The following NBAS variants were observed in gnomAD, a reference collection of about 807,000 sequenced individuals.
NBAS encodes NAG/BC035112 fusion.
Under a neutral mutation model 302.5 loss-of-function variants are expected in NBAS, and 219 were observed. The ratio of observed to expected loss-of-function variants is 0.72; its 90% CI spans 0.65 to 0.81. The LOEUF is 0.81. Ranked by LOEUF, NBAS falls within the 30% of genes least tolerant of loss-of-function variation. The probability of loss-of-function intolerance (pLI) is 0.00; values close to 1 mark genes in which losing one functional copy is unlikely to be tolerated. For synonymous variants in NBAS, 1,118 were observed against 1,021.6 expected, an observed-to-expected ratio of 1.09 and a Z score of -1.80; for missense variants, 2,932 against 2,841.6, an observed-to-expected ratio of 1.03 and a Z score of -0.72.
intron 35 of NBAS, among the ~76,000 whole-genome samples, chr2:15,342,602 G>A (rs543260246): frequency 3.3e-5 from 5 of 152,122 alleles, no homozygotes; most frequent in Non-Finnish European, 5.9e-5. Context: ...TAAGCAGTGG[G>A]ATTCATGGGG....
intron 25 of NBAS, among the ~76,000 whole-genome samples, chr2:15,406,724 C>T (rs185747677): frequency 4.5e-4 from 69 of 152,076 alleles, no homozygotes; most frequent in Admixed American, 1.1e-3. Flanking sequence ...AAAACCCTAT[C>T]GAAGAATGGA....
At chr2:14,975,499 G>T in the NBAS span, among the ~76,000 whole-genome samples, 1 of 152,180 alleles carries the variant, frequency 6.6e-6, no homozygotes, top group Non-Finnish European at 1.5e-5. Context: ...AGCTCATCAA[G>T]AATTAAAATC....
the NBAS span, among the ~76,000 whole-genome samples, chr2:15,008,497 C>T: frequency 1.3e-5 from 2 of 152,210 alleles, no homozygotes; most frequent in East Asian, 3.9e-4. Context: ...AGGAACTTGA[C>T]CAGAACCTAC....
chr2:15,531,952 T>A (rs1663237262), intron 9 of NBAS, among the ~76,000 whole-genome samples: 1 of 152,170 alleles, frequency 6.6e-6, no homozygotes, highest in Admixed American at 6.5e-5. Flanking sequence ...CCTCATGTAC[T>A]TTATATTCAT....
At chr2:15,120,140 A>G in the NBAS span, among the ~76,000 whole-genome samples, 1 of 152,184 alleles carries the variant, frequency 6.6e-6, no homozygotes, top group Non-Finnish European at 1.5e-5. Flanking sequence ...CAGCAGGCAG[A>G]TCTCCAATGT....
the NBAS span, among the ~76,000 whole-genome samples, chr2:14,900,090 G>A: frequency 2.0e-5 from 3 of 150,668 alleles, no homozygotes; most frequent in Non-Finnish European, 4.4e-5. Context: ...TGAGAGTTCC[G>A]AAGTCGATTT....
chr2:15,126,302 G>C, the NBAS span, among the ~76,000 whole-genome samples: 1 of 152,248 alleles, frequency 6.6e-6, no homozygotes, highest in African/African-American at 2.4e-5. Flanking sequence ...CATGCTTGTT[G>C]TACAGCTTGC....
the NBAS span, among the ~76,000 whole-genome samples, chr2:15,073,484 A>T: frequency 3.5e-5 from 5 of 141,220 alleles, 1 homozygote; most frequent in African/African-American, 5.8e-5. Flanking sequence ...CTCAAAAAAA[A>T]AAAAAAATAA....
intron 11 of NBAS, among the ~76,000 whole-genome samples, chr2:15,502,921 C>A (rs1661648633): frequency 6.6e-6 from 1 of 152,184 alleles, no homozygotes; most frequent in African/African-American, 2.4e-5. Flanking sequence ...TAGCTTAAAA[C>A]ACAAACATGC....
chr2:15,174,666 C>A (rs1237457368), intron 51 of NBAS, among the ~76,000 whole-genome samples: 1 of 152,150 alleles, frequency 6.6e-6, no homozygotes, highest in Non-Finnish European at 1.5e-5. Context: ...GTAGAAATAA[C>A]CCTTTTCCAA....
At chr2:14,970,237 A>G in the NBAS span, among the ~76,000 whole-genome samples, 37 of 152,342 alleles carry the variant, frequency 2.4e-4, no homozygotes, top group Admixed American at 1.6e-3. Flanking sequence ...TTTAGGAAAT[A>G]CTGCATATAT....
intron 28 of NBAS, among the ~76,000 whole-genome samples, chr2:15,384,092 C>T (rs1675172423): frequency 6.6e-6 from 1 of 152,210 alleles, no homozygotes. Flanking sequence ...TACAGTTCCT[C>T]CAGGCCAGAG....
chr2:15,353,488 C>T (rs979246419), intron 34 of NBAS, 65 bp downstream of exon 34: 4 of 1,586,954 alleles, frequency 2.5e-6, no homozygotes, highest in Non-Finnish European at 3.5e-6. Context: ...CCACATACCT[C>T]AGATACACAC....
chr2:14,798,893 G>A, the NBAS span, among the ~76,000 whole-genome samples: 1 of 152,012 alleles, frequency 6.6e-6, no homozygotes, highest in Non-Finnish European at 1.5e-5. Context: ...TTTAAGATCT[G>A]TAGAATCTAC....
the NBAS span, among the ~76,000 whole-genome samples, chr2:14,923,707 G>A: frequency 2.0e-5 from 3 of 152,152 alleles, no homozygotes; most frequent in Non-Finnish European, 4.4e-5. Flanking sequence ...CTTTCAAGTG[G>A]CCTGGCCCCA....
At chr2:14,887,467 G>C in the NBAS span, among the ~76,000 whole-genome samples, 35 of 151,100 alleles carry the variant, frequency 2.3e-4, 1 homozygote, top group East Asian at 4.8e-3. Flanking sequence ...GTGAGGAGAA[G>C]CCTATGAGAA....
intron 44 of NBAS, among the ~76,000 whole-genome samples, chr2:15,266,480 G>A (rs191008485): frequency 1.6e-3 from 238 of 152,066 alleles, no homozygotes; most frequent in African/African-American, 4.8e-3. Flanking sequence ...CCTGCTATTG[G>A]GAGAAACCGA....
At position 15,355,180 on chromosome 2, in the gene NBAS, T is replaced by A. The variant is rs578186357; in HGVS notation, c.3931+1123A>T. Among the ~76,000 whole-genome samples, 3 of 152,294 alleles carry A rather than the reference T, an allele frequency of 2.0e-5. No homozygotes were observed. The South Asian group carries it at 6.2e-4, about 32-fold the overall frequency. On this transcript the variant is annotated intron_variant, in intron 33 of 51. Transcript: ENST00000281513. ...CAGAGCTCCATGAGTCACCATGAAG[T>A]GAAGCCCTGCATTTTAACCACTCCC...
the NBAS span, among the ~76,000 whole-genome samples, chr2:14,885,024 T>C: frequency 2.0e-5 from 3 of 152,182 alleles, no homozygotes; most frequent in Non-Finnish European, 4.4e-5. Flanking sequence ...GAGTCCACAC[T>C]GTATAGGGCC....
Sources: allele counts gnomAD v4.1 joint callset (sites outside exome capture counted in the v4.1 genomes callset), GRCh38; gene constraint gnomAD v4.1.1; transcripts MANE v1.5; gene names NCBI Gene and HGNC (gene_info 2026-07-23, HGNC 2026-07-21).